Variants in PSD3 observed in about 807,000 individuals in gnomAD.
PSD3 encodes the protein PH and SEC7 domain-containing protein 3.
Under a neutral mutation model 105.5 loss-of-function variants are expected in PSD3, and 49 were observed. That is an observed-to-expected ratio of 0.46 (90% CI 0.37 to 0.59). The LOEUF (loss-of-function observed/expected upper bound fraction) is 0.59, where lower values mean the gene tolerates loss of function less well. Ranked by LOEUF, PSD3 falls within the 20% of genes least tolerant of loss-of-function variation. The pLI, the probability that PSD3 is intolerant of heterozygous loss-of-function variation, is 0.00. For synonymous variants in PSD3, 557 were observed against 457.8 expected (o/e 1.22, Z -2.77); for missense variants, 1,561 against 1,263.8 (o/e 1.24, Z -3.57).
chr8:18,799,042 A>G (rs1441702927), intron 8 of PSD3: 4 of 408,140 alleles, frequency 9.8e-6, no homozygotes, highest in African/African-American at 6.2e-5. Flanking sequence ...CTACTGGACA[A>G]AGAAGACACA....
chr8:18,838,890 G>A (rs185129169), intron 4 of PSD3, among the ~76,000 whole-genome samples: 3 of 151,340 alleles, frequency 2.0e-5, no homozygotes, highest in African/African-American at 7.3e-5. Context: ...TCACAAGCTA[G>A]TAAACTGCAT....
chr8:18,536,883 A>G (rs750948450), intron 15 of PSD3, among the ~76,000 whole-genome samples: 25 of 152,328 alleles, frequency 1.6e-4, no homozygotes, highest in African/African-American at 5.5e-4. Flanking sequence ...ATCCTGCCTC[A>G]ACGCATGAAG....
chr8:18,724,157 G>A (rs529407613), intron 9 of PSD3, among the ~76,000 whole-genome samples: 51 of 152,304 alleles, frequency 3.3e-4, no homozygotes, highest in Non-Finnish European at 8.8e-5. Flanking sequence ...AGGGGTGGAA[G>A]AATCATGTGG....
chr8:18,800,829 A>G (rs1810613727), intron 7 of PSD3, among the ~76,000 whole-genome samples: 1 of 152,232 alleles, frequency 6.6e-6, no homozygotes, highest in East Asian at 1.9e-4. Flanking sequence ...AACACTCAGG[A>G]TACATGAGCT....
chr8:18,613,339 T>C (rs929285603), intron 11 of PSD3, among the ~76,000 whole-genome samples: 1 of 152,096 alleles, frequency 6.6e-6, no homozygotes, highest in Non-Finnish European at 1.5e-5. Flanking sequence ...TTGCACTGTT[T>C]GCAGGGGGGA....
chr8:19,071,973 G>A (rs374761166), intron 1 of PSD3, among the ~76,000 whole-genome samples: 1 of 152,252 alleles, frequency 6.6e-6, no homozygotes, highest in Non-Finnish European at 1.5e-5. Flanking sequence ...GCCTCCCAAA[G>A]TGCTGGGATT....
intron 1 of PSD3, among the ~76,000 whole-genome samples, chr8:19,040,460 C>A (rs557771062): frequency 1.3e-5 from 2 of 152,286 alleles, no homozygotes; most frequent in South Asian, 4.1e-4. Context: ...CATGCCTCTG[C>A]CTCCCAAAGT....
chr8:18,604,350 T>C (rs1336704092), intron 11 of PSD3, among the ~76,000 whole-genome samples: 1 of 152,148 alleles, frequency 6.6e-6, no homozygotes, highest in Non-Finnish European at 1.5e-5. Context: ...AACTTTGAAC[T>C]TGAGAGTGAT....
intron 9 of PSD3, among the ~76,000 whole-genome samples, chr8:18,737,632 G>A (rs918849787): frequency 1.3e-5 from 2 of 152,000 alleles, no homozygotes; most frequent in African/African-American, 4.8e-5. Context: ...TTACTCAAAA[G>A]GTCTATGGCT....
At chr8:18,573,159 T>C (rs2130339089) in intron 13 of PSD3, among the ~76,000 whole-genome samples, 1 of 152,272 alleles carries the variant, frequency 6.6e-6, no homozygotes, top group Middle Eastern at 3.4e-3. Flanking sequence ...CCTAAGTAAC[T>C]ATCCAAGAGA....
rs550039400 is a variant in PSD3, at chr8:19,076,701, G to A, written c.324+7505C>T. Among the ~76,000 whole-genome samples, 3 of 152,232 alleles carry A rather than the reference G, an allele frequency of 2.0e-5. No homozygotes were observed. In the South Asian group the frequency reaches 6.2e-4, roughly 32 times the overall value. ...GTTGTTTTTAAATTGTTACTTTAAA[G>A]GTCAAGCAAAATTTGTTTTTTAAAG... On this transcript the variant is annotated intron_variant, in intron 1 of 1. Transcript: ENST00000521475.
chr8:19,065,082 C>T (rs907883676), intron 1 of PSD3, among the ~76,000 whole-genome samples: 5 of 152,128 alleles, frequency 3.3e-5, no homozygotes, highest in African/African-American at 7.2e-5. Context: ...TTACCTGAGC[C>T]GGCATAAGGA....
At chr8:18,751,074 TGGGCGCCGTGCAGCA>T (rs1478565677) in intron 9 of PSD3, among the ~76,000 whole-genome samples, 2 of 152,210 alleles carry the variant, frequency 1.3e-5, no homozygotes, top group Non-Finnish European at 2.9e-5. Flanking sequence ...TTGATGGACC[TGGGCGCCGTGCAGCA>T]GGGGGCGGTG....
intron 1 of PSD3, among the ~76,000 whole-genome samples, chr8:19,049,370 C>A (rs754372592): frequency 2.0e-5 from 3 of 152,106 alleles, no homozygotes; most frequent in African/African-American, 4.8e-5. Flanking sequence ...GCTTCTAAGA[C>A]CTTCATGTGC....
chr8:18,995,252 G>C (rs1826013684), intron 1 of PSD3, among the ~76,000 whole-genome samples: 1 of 152,140 alleles, frequency 6.6e-6, no homozygotes. Context: ...ATGTGAATGA[G>C]ACCCAGAAGT....
chr8:18,811,069 A>T (rs774248238), intron 4 of PSD3, among the ~76,000 whole-genome samples: 5 of 152,250 alleles, frequency 3.3e-5, no homozygotes, highest in Non-Finnish European at 7.3e-5. Context: ...AATGTAAATG[A>T]GAAGTTATTC....
intron 9 of PSD3, among the ~76,000 whole-genome samples, chr8:18,677,275 T>C (rs1295761219): frequency 1.3e-5 from 2 of 152,148 alleles, no homozygotes; most frequent in Non-Finnish European, 2.9e-5. Flanking sequence ...CTTTGCTAGG[T>C]TTCCTAACAA....
intron 1 of PSD3, among the ~76,000 whole-genome samples, chr8:19,083,274 G>A (rs184118467): frequency 6.6e-6 from 1 of 152,216 alleles, no homozygotes; most frequent in Non-Finnish European, 1.5e-5. Context: ...ATAATTTTAA[G>A]TTTTGTCCAC....
chr8:18,804,959 A>G (rs1811074364), intron 4 of PSD3, 61 bp from the exon 5 acceptor site: 5 of 1,297,470 alleles, frequency 3.9e-6, no homozygotes, highest in Non-Finnish European at 5.4e-6. Flanking sequence ...AAAGGAAAAT[A>G]TCTGATGAAA....
Sources: gnomAD v4.1 joint callset for allele counts (sites outside exome capture counted in the v4.1 genomes callset) on GRCh38, gnomAD v4.1.1 for gene constraint, MANE v1.5 for transcripts, NCBI Gene and HGNC (gene_info 2026-07-23, HGNC 2026-07-21) for gene names.